The following TMEM74 variants were observed in gnomAD, a reference collection of about 807,000 sequenced individuals.
The protein encoded by TMEM74 is transmembrane protein 74.
A neutral mutation model predicts 18.1 loss-of-function variants in TMEM74; 13 were observed. The ratio of observed to expected loss-of-function variants is 0.72; its 90% CI spans 0.47 to 1.14. The LOEUF (loss-of-function observed/expected upper bound fraction) is 1.14, where lower values mean the gene tolerates loss of function less well. TMEM74 is among the 50% of genes most tolerant of loss of function. The probability of loss-of-function intolerance (pLI) is 0.00; values close to 1 mark genes in which losing one functional copy is unlikely to be tolerated. For missense variants in TMEM74, 372 were observed against 375.9 expected, an observed-to-expected ratio of 0.99 and a Z score of 0.09; for synonymous variants, 159 against 146.6, an observed-to-expected ratio of 1.08 and a Z score of -0.61.
At chr8:108,639,436 T>TAC (rs750384836) in intron 2 of TMEM74, among the ~76,000 whole-genome samples, 77 of 152,110 alleles carry the variant, frequency 5.1e-4, no homozygotes, top group Non-Finnish European at 8.7e-4. Flanking sequence ...TAGTTCTTTA[T>TAC]ACACACACAC....
At chr8:108,615,602 C>T (rs1319100909) in intron 2 of TMEM74, among the ~76,000 whole-genome samples, 6 of 152,046 alleles carry the variant, frequency 3.9e-5, no homozygotes, top group African/African-American at 1.4e-4. Flanking sequence ...TATTAGGAAG[C>T]ATCCTGGAGA....
chr8:108,658,038 G>C (rs1309828290), intron 1 of TMEM74, among the ~76,000 whole-genome samples: 1 of 150,944 alleles, frequency 6.6e-6, no homozygotes, highest in African/African-American at 2.4e-5. Context: ...AAGGCAGAAG[G>C]AAAATGAGAA....
intron 1 of TMEM74, among the ~76,000 whole-genome samples, chr8:108,690,066 T>G (rs1176190720): frequency 6.6e-6 from 1 of 152,120 alleles, no homozygotes; most frequent in Non-Finnish European, 1.5e-5. Context: ...TACGTACATG[T>G]ATATACACAC....
At chr8:108,711,580 T>C (rs539010932) in intron 1 of TMEM74, among the ~76,000 whole-genome samples, 22 of 152,270 alleles carry the variant, frequency 1.4e-4, no homozygotes, top group Admixed American at 4.6e-4. Flanking sequence ...TGTGACCTTG[T>C]GAAGGAGAGA....
intron 1 of TMEM74, among the ~76,000 whole-genome samples, chr8:108,700,129 TG>T (rs1274225552): frequency 1.3e-5 from 1 of 74,218 alleles, no homozygotes; most frequent in East Asian, 4.8e-4. Flanking sequence ...AGGCCATAAA[TG>T]GTGTGTGTGT....
chr8:108,632,525 AC>A (rs1402913150), intron 2 of TMEM74, among the ~76,000 whole-genome samples: 2 of 152,014 alleles, frequency 1.3e-5, no homozygotes, highest in Non-Finnish European at 2.9e-5. Context: ...ATTTAAATAA[AC>A]CTCTAACTAC....
intron 1 of TMEM74, among the ~76,000 whole-genome samples, chr8:108,663,987 G>A (rs1340935645): frequency 6.6e-6 from 1 of 152,132 alleles, no homozygotes; most frequent in Non-Finnish European, 1.5e-5. Context: ...AGAGCATTGG[G>A]AAGAATAGCT....
intron 1 of TMEM74, among the ~76,000 whole-genome samples, chr8:108,680,862 T>C (rs995214672): frequency 3.9e-5 from 6 of 152,266 alleles, no homozygotes; most frequent in East Asian, 1.9e-4. Flanking sequence ...AGCATTCTTA[T>C]ACACCAATAA....
intron 2 of TMEM74, among the ~76,000 whole-genome samples, chr8:108,624,506 T>C (rs1428270151): frequency 6.6e-6 from 1 of 152,120 alleles, no homozygotes; most frequent in Non-Finnish European, 1.5e-5. Flanking sequence ...AGAAAATTTG[T>C]GGATTCCAGA....
At chr8:108,786,489 G>A (rs187066653) in intron 1 of TMEM74, among the ~76,000 whole-genome samples, 7 of 152,140 alleles carry the variant, frequency 4.6e-5, no homozygotes, top group Non-Finnish European at 1.0e-4. Flanking sequence ...GGTCAACCTG[G>A]CAACTCAAAA....
chr8:108,785,057 G>C lies in TMEM74; in HGVS notation c.42C>G (p.Asp14Glu). The change falls in exon 2 of 2, where the codon GAC (aspartate) becomes GAG (glutamate). Residue 14 changes from aspartate to glutamate, a missense_variant. By Grantham distance (45) the Asp-to-Glu change is conservative (BLOSUM62 2). Coordinates refer to ENST00000297459, the MANE Select transcript of TMEM74 (RefSeq NM_153015.3). ...AACTCCAGTCCCTGGCATCACAGAGGTCTGCCTGGTTGCTCTTCTTAGCAA... is the reference window on the plus strand; with the variant it reads ...AACTCCAGTCCCTGGCATCACAGAGCTCTGCCTGGTTGCTCTTCTTAGCAA... ...HYLAKKSNQA[D>E]LCDARDWSSR... 6.2e-7 allele frequency: 1 copy of C among 1,612,648 alleles called. No homozygotes were observed. The highest frequency in any genetic ancestry group is 8.5e-7 in the Non-Finnish European group (1 of 1,179,504).
intron 2 of TMEM74, among the ~76,000 whole-genome samples, chr8:108,643,796 A>G (rs550721274): frequency 2.0e-5 from 3 of 152,202 alleles, no homozygotes; most frequent in Admixed American, 2.0e-4. Flanking sequence ...TTAACCAAGG[A>G]GTCAAAAGAT....
chr8:108,657,859 A>AAAAAATAT (rs1554630268), intron 1 of TMEM74, among the ~76,000 whole-genome samples: 2 of 49,878 alleles, frequency 4.0e-5, no homozygotes, highest in South Asian at 8.4e-4. Context: ...AAAAAAAAAA[A>AAAAAATAT]ATATATATAT....
chr8:108,639,150 C>T (rs1461013951), intron 2 of TMEM74, among the ~76,000 whole-genome samples: 1 of 152,098 alleles, frequency 6.6e-6, no homozygotes, highest in Non-Finnish European at 1.5e-5. Context: ...CCAAGCCCAG[C>T]CCATCTCAGA....
intron 1 of TMEM74, among the ~76,000 whole-genome samples, chr8:108,691,972 A>T (rs1019398880): frequency 1.7e-4 from 26 of 152,172 alleles, no homozygotes; most frequent in Non-Finnish European, 1.5e-5. Context: ...GGAGAGGAAT[A>T]TACGTTGAGT....
At position 108,691,926 on chromosome 8, in the gene TMEM74, T is replaced by TC. The variant is rs200506125; in HGVS notation, n.120-36490_120-36489insG. On this transcript the variant is annotated intron_variant and non_coding_transcript_variant, in intron 1 of 3. Coordinates refer to the TMEM74 transcript ENST00000518838. ...TATGTTGATTCTGGGCAACAGATTTTTTTTAAAACTCTCAAGTGGGAGAAA... is the reference window on the plus strand; with the variant it reads ...TATGTTGATTCTGGGCAACAGATTTTCTTTTAAAACTCTCAAGTGGGAGAAA... Among the ~76,000 whole-genome samples the TC allele has an allele frequency of 5.1e-3, 784 of 152,302 alleles. 4 individuals carry two copies. The highest frequency in any genetic ancestry group is 0.017 in the African/African-American group (721 of 41,556).
chr8:108,630,659 A>G (rs1019696125), intron 2 of TMEM74, among the ~76,000 whole-genome samples: 2 of 152,078 alleles, frequency 1.3e-5, no homozygotes, highest in African/African-American at 4.8e-5. Flanking sequence ...AGAACTCAGG[A>G]TTAAGAAATT....
At chr8:108,707,361 T>C (rs1813427060) in intron 1 of TMEM74, among the ~76,000 whole-genome samples, 1 of 152,124 alleles carries the variant, frequency 6.6e-6, no homozygotes, top group Non-Finnish European at 1.5e-5. Flanking sequence ...TCCCCACCCT[T>C]TCCAAAGAAA....
chr8:108,754,981 C>T (rs1292284067), intron 1 of TMEM74, among the ~76,000 whole-genome samples: 2 of 151,998 alleles, frequency 1.3e-5, no homozygotes, highest in African/African-American at 4.8e-5. Flanking sequence ...TTTGGGAGGG[C>T]TATCTGCCTT....
Sources: allele counts gnomAD v4.1 joint callset (sites outside exome capture counted in the v4.1 genomes callset), GRCh38; gene constraint gnomAD v4.1.1; transcripts MANE v1.5; gene names NCBI Gene and HGNC (gene_info 2026-07-23, HGNC 2026-07-21).